Variants in ST6GALNAC5 observed in about 807,000 individuals in gnomAD.
The protein encoded by ST6GALNAC5 is alpha-N-acetylgalactosaminide alpha-2,6-sialyltransferase 5.
ST6GALNAC5 carries 27 observed loss-of-function variants against 33.6 expected under a neutral mutation model. The ratio of observed to expected loss-of-function variants is 0.80; its 90% CI spans 0.59 to 1.11. The LOEUF (loss-of-function observed/expected upper bound fraction) is 1.11, where lower values mean the gene tolerates loss of function less well. Ranked by LOEUF, ST6GALNAC5 falls within the 50% of genes least tolerant of loss-of-function variation. ST6GALNAC5 has a pLI of 0.00. For synonymous variants in ST6GALNAC5, 194 were observed against 171.2 expected (o/e 1.13, Z -1.04); for missense variants, 428 against 454.0 (o/e 0.94, Z 0.52).
chr1:77,016,978 A>G (rs1650873154), intron 2 of ST6GALNAC5, among the ~76,000 whole-genome samples: 1 of 152,054 alleles, frequency 6.6e-6, no homozygotes, highest in Admixed American at 6.5e-5. Context: ...GAAATTAACA[A>G]TGGCATGAAT....
Position 77,065,491 on chromosome 1 carries a change from T to C in ST6GALNAC5, c.*2285T>C, listed in dbSNP as rs1025165269. 3.3e-5 allele frequency: 5 copies of C among 152,220 alleles called. No individual in the cohort carries two copies. Among genetic ancestry groups the C allele is most frequent in the Non-Finnish European group, 7.3e-5 (5 of 68,034 alleles). 9.4% of individuals were successfully genotyped at this position (152,220 alleles called of 1,614,324 possible). On this transcript the variant is annotated 3_prime_UTR_variant, in exon 5 of 5. Coordinates refer to ENST00000477717, the MANE Select transcript of ST6GALNAC5 (RefSeq NM_030965.3). The stretch of plus-strand genomic sequence containing the variant: ...GTTTTAAATCTACATGTAGCTAGGA[T>C]ATGTGATTTCATATTTTTTAAAAAT...
intron 2 of ST6GALNAC5, among the ~76,000 whole-genome samples, chr1:76,937,323 T>C (rs1042791466): frequency 3.3e-5 from 5 of 151,950 alleles, no homozygotes; most frequent in Non-Finnish European, 4.4e-5. Flanking sequence ...ATAATAGGAC[T>C]TATGGGGAAA....
At chr1:77,012,077 C>G (rs1650655647) in intron 2 of ST6GALNAC5, among the ~76,000 whole-genome samples, 1 of 152,096 alleles carries the variant, frequency 6.6e-6, no homozygotes, top group South Asian at 2.1e-4. Flanking sequence ...AGGTCTGAGA[C>G]TTTTAACTAC....
chr1:76,931,523 T>G lies in ST6GALNAC5; in HGVS notation c.261+62781T>G, dbSNP rs540754418. Reference sequence around the variant, plus strand: ...ATTGGGTGATTTTTCCTTTTCTTCTTTTTACTAGCATCAGAGGGATTTAAG... The same window carrying G: ...ATTGGGTGATTTTTCCTTTTCTTCTGTTTACTAGCATCAGAGGGATTTAAG... On this transcript the variant is annotated intron_variant, in intron 2 of 4. Coordinates refer to ENST00000477717, the MANE Select transcript of ST6GALNAC5 (RefSeq NM_030965.3). 2.6e-5 allele frequency among the ~76,000 whole-genome samples: 4 copies of G among 152,266 alleles called. No individual in the cohort carries two copies. In the South Asian group the frequency reaches 8.3e-4, roughly 32 times the overall value.
At chr1:77,048,066 T>C (rs770789256) in intron 3 of ST6GALNAC5, among the ~76,000 whole-genome samples, 2 of 152,232 alleles carry the variant, frequency 1.3e-5, no homozygotes, top group African/African-American at 2.4e-5. Context: ...TTTTAAGTGT[T>C]ACTTTAAAGA....
At chr1:77,009,165 TAGAG>T (rs900618765) in intron 2 of ST6GALNAC5, among the ~76,000 whole-genome samples, 1 of 152,144 alleles carries the variant, frequency 6.6e-6, no homozygotes, top group Admixed American at 6.5e-5. Context: ...TTAGAGGTGT[TAGAG>T]AGCCCCAGAA....
chr1:76,913,296 T>A (rs1001813926), intron 2 of ST6GALNAC5, among the ~76,000 whole-genome samples: 36 of 151,750 alleles, frequency 2.4e-4, no homozygotes, highest in Admixed American at 8.5e-4. Context: ...CTGCTGTTAG[T>A]CTGATGGGCT....
At chr1:77,011,609 T>C (rs1650637091) in intron 2 of ST6GALNAC5, among the ~76,000 whole-genome samples, 1 of 152,206 alleles carries the variant, frequency 6.6e-6, no homozygotes, top group Admixed American at 6.5e-5. Context: ...TAATGATATT[T>C]GATATTCATT....
chr1:77,047,256 A>G (rs1652050191), intron 3 of ST6GALNAC5, among the ~76,000 whole-genome samples: 1 of 152,222 alleles, frequency 6.6e-6, no homozygotes, highest in Non-Finnish European at 1.5e-5. Flanking sequence ...TTGACTTAAT[A>G]TTCTTTACCT....
At chr1:76,874,260 A>T (rs1044843019) in intron 2 of ST6GALNAC5, among the ~76,000 whole-genome samples, 1 of 152,138 alleles carries the variant, frequency 6.6e-6, no homozygotes, top group African/African-American at 2.4e-5. Context: ...TTTAAATTCA[A>T]AATATTGTCT....
Position 76,868,399 on chromosome 1 carries a change from C to A in ST6GALNAC5, c.16-98C>A. Reference sequence around the variant, plus strand: ...GGGGCCCAGGCCGCCCCAAATCTCCCCCACTAGAGTGACCACCGCACAGTT... The same window carrying A: ...GGGGCCCAGGCCGCCCCAAATCTCCACCACTAGAGTGACCACCGCACAGTT... On this transcript the variant is annotated intron_variant, in intron 1 of 4. Transcript: ENST00000477717. This position sits in a 1 kb window ranked among gnomAD's most constrained non-coding sequence, Gnocchi z 4.3. 4 of 1,464,938 alleles carry A rather than the reference C, an allele frequency of 2.7e-6. No individual in the cohort carries two copies. Among genetic ancestry groups the A allele is most frequent in the East Asian group, 2.5e-5 (1 of 39,504 alleles). 90.7% of individuals were successfully genotyped at this position (1,464,938 alleles called of 1,614,324 possible). A position where few individuals can be genotyped will look rare whatever the true frequency, so the allele number is the denominator to read the frequency against.
chr1:77,034,589 C>G (rs1442318238), intron 2 of ST6GALNAC5, among the ~76,000 whole-genome samples: 1 of 152,194 alleles, frequency 6.6e-6, no homozygotes, highest in Non-Finnish European at 1.5e-5. Flanking sequence ...GGCCCAGCTT[C>G]TGGGGTAAGC....
intron 2 of ST6GALNAC5, among the ~76,000 whole-genome samples, chr1:76,947,505 C>T (rs936020838): frequency 2.6e-5 from 4 of 152,002 alleles, no homozygotes; most frequent in African/African-American, 7.2e-5. Context: ...GGAGACTGAG[C>T]GGGGGAGGAT....
chr1:76,932,333 T>G (rs1247296683), intron 2 of ST6GALNAC5, among the ~76,000 whole-genome samples: 1 of 152,248 alleles, frequency 6.6e-6, no homozygotes, highest in South Asian at 2.1e-4. Flanking sequence ...AGAATACATC[T>G]TTCTCTGACT....
chr1:76,885,594 CTT>C (rs1653874640), intron 2 of ST6GALNAC5, among the ~76,000 whole-genome samples: 1 of 152,166 alleles, frequency 6.6e-6, no homozygotes, highest in Admixed American at 6.5e-5. Context: ...GTTATAAAGA[CTT>C]ATCTTGTTTA....
At chr1:76,886,813 T>C (rs1164175072) in intron 2 of ST6GALNAC5, among the ~76,000 whole-genome samples, 3 of 152,304 alleles carry the variant, frequency 2.0e-5, no homozygotes, top group African/African-American at 7.2e-5. Flanking sequence ...TTTGTCATCT[T>C]GTGTCTGACT....
rs547796176 is a variant in ST6GALNAC5, at chr1:77,053,308, G to T, written c.779+2943G>T. The stretch of plus-strand genomic sequence containing the variant: ...AAAATGGTTGTGGATGGTTTTGTGT[G>T]GTGGCAGAGCTCACATTGGCTGGGC... On this transcript the variant is annotated intron_variant, in intron 4 of 4. Coordinates refer to ENST00000477717, the MANE Select transcript of ST6GALNAC5 (RefSeq NM_030965.3). 9.2e-4 allele frequency among the ~76,000 whole-genome samples: 140 copies of T among 152,292 alleles called. 1 individual carries two copies. Among genetic ancestry groups the T allele is most frequent in the African/African-American group, 3.3e-3 (139 of 41,564 alleles).
In ST6GALNAC5 at chr1:76,952,218, A is replaced by G. The variant is rs183481458; in HGVS notation, c.261+83476A>G. On this transcript the variant is annotated intron_variant, in intron 2 of 4. Coordinates refer to ENST00000477717, the MANE Select transcript of ST6GALNAC5 (RefSeq NM_030965.3). The stretch of plus-strand genomic sequence containing the variant: ...CCTTACAGCTGGTTTCCAGCTCCCA[A>G]TGAGATATCACTGAATGCAGAGCTG... 2.6e-3 allele frequency among the ~76,000 whole-genome samples: 390 copies of G among 152,174 alleles called. 3 individuals are homozygous for G. Among genetic ancestry groups the G allele is most frequent in the African/African-American group, 8.4e-3 (350 of 41,532 alleles).
At chr1:77,007,583 A>C (rs891654564) in intron 2 of ST6GALNAC5, among the ~76,000 whole-genome samples, 2 of 152,212 alleles carry the variant, frequency 1.3e-5, no homozygotes, top group Admixed American at 6.5e-5. Context: ...AAGTTTGAAG[A>C]ATGTTCTTTA....
Sources: allele counts gnomAD v4.1 joint callset (sites outside exome capture counted in the v4.1 genomes callset), GRCh38; gene constraint gnomAD v4.1.1; non-coding constraint Gnocchi (gnomAD v3.1); transcripts MANE v1.5; gene names NCBI Gene and HGNC (gene_info 2026-07-23, HGNC 2026-07-21).